The following EXOC4 variants were observed in gnomAD, a reference collection of about 807,000 sequenced individuals.
EXOC4 encodes exocyst complex component 4.
Under a neutral mutation model 107.2 loss-of-function variants are expected in EXOC4, and 71 were observed. That is an observed-to-expected ratio of 0.66 (90% CI 0.55 to 0.81). The LOEUF is 0.81. EXOC4 is among the 30% of genes least tolerant of loss of function. The pLI is 0.00. For synonymous variants in EXOC4, 456 were observed against 441.2 expected, an observed-to-expected ratio of 1.03 and a Z score of -0.42; for missense variants, 1,108 against 1,189.6, an observed-to-expected ratio of 0.93 and a Z score of 1.01.
intron 11 of EXOC4, among the ~76,000 whole-genome samples, chr7:133,882,219 G>T (rs761626210): frequency 2.6e-5 from 4 of 152,134 alleles, no homozygotes; most frequent in Non-Finnish European, 5.9e-5. Flanking sequence ...GTATCTCATT[G>T]TATGAATATG....
chr7:133,790,553 A>G lies in EXOC4; in HGVS notation c.1515-26772A>G, dbSNP rs941504042. 7.2e-5 allele frequency among the ~76,000 whole-genome samples: 11 copies of G among 152,236 alleles called. No homozygotes were observed. The East Asian group carries it at 2.1e-3, about 29-fold the overall frequency. On this transcript the variant is annotated intron_variant, in intron 10 of 17. Transcript: ENST00000253861. ...TATCACAAGTTCACATGTTAACATT[A>G]TTTCACCCAATTTGTATTTTGTGGG...
intron 10 of EXOC4, among the ~76,000 whole-genome samples, chr7:133,641,628 C>T (rs1489276381): frequency 6.6e-6 from 1 of 152,184 alleles, no homozygotes; most frequent in Admixed American, 6.5e-5. Flanking sequence ...AATGCTTTGC[C>T]AACCACCTGA....
intron 10 of EXOC4, among the ~76,000 whole-genome samples, chr7:133,731,526 C>T (rs1182026620): frequency 6.6e-6 from 1 of 151,918 alleles, no homozygotes; most frequent in Non-Finnish European, 1.5e-5. Context: ...TCTTGCAAAA[C>T]AGCAGAGAAA....
intron 1 of EXOC4, among the ~76,000 whole-genome samples, chr7:133,258,559 A>G (rs1795069828): frequency 6.6e-6 from 1 of 152,220 alleles, no homozygotes; most frequent in African/African-American, 2.4e-5. Flanking sequence ...GGTATATAAA[A>G]GTGCCTAGCA....
At chr7:133,414,748 A>G (rs1797436083) in intron 7 of EXOC4, among the ~76,000 whole-genome samples, 1 of 152,172 alleles carries the variant, frequency 6.6e-6, no homozygotes, top group African/African-American at 2.4e-5. Context: ...ATTCTGTATT[A>G]TAGATAAACC....
intron 10 of EXOC4, among the ~76,000 whole-genome samples, chr7:133,662,553 C>T (rs1793716415): frequency 6.6e-6 from 1 of 151,968 alleles, no homozygotes; most frequent in Non-Finnish European, 1.5e-5. Context: ...ATTATCCTCA[C>T]CTATCACGTA....
chr7:133,345,124 C>T (rs1795754593), intron 5 of EXOC4, among the ~76,000 whole-genome samples: 1 of 152,114 alleles, frequency 6.6e-6, no homozygotes, highest in African/African-American at 2.4e-5. Flanking sequence ...TTTAAAAGTG[C>T]ATTTTTAACT....
chr7:133,273,060 A>G (rs140332320), intron 1 of EXOC4, among the ~76,000 whole-genome samples: 124 of 152,314 alleles, frequency 8.1e-4, no homozygotes, highest in African/African-American at 2.9e-3. Context: ...CTGCTGTTAC[A>G]AGGGGAAATA....
At chr7:133,699,433 C>T (rs1243649006) in intron 10 of EXOC4, among the ~76,000 whole-genome samples, 8 of 152,120 alleles carry the variant, frequency 5.3e-5, no homozygotes, top group Non-Finnish European at 1.2e-4. Flanking sequence ...TATGATGGAT[C>T]ATAGGCGCTT....
intron 10 of EXOC4, among the ~76,000 whole-genome samples, chr7:133,668,723 A>G (rs888108326): frequency 2.6e-5 from 4 of 152,170 alleles, no homozygotes; most frequent in Admixed American, 6.5e-5. Context: ...AGGGGATGTT[A>G]AAGCTTATTT....
At chr7:133,711,131 T>C (rs1471611934) in intron 10 of EXOC4, among the ~76,000 whole-genome samples, 2 of 152,224 alleles carry the variant, frequency 1.3e-5, no homozygotes, top group Non-Finnish European at 2.9e-5. Context: ...AGGAAAATAA[T>C]AGGTTACTTT....
At chr7:133,809,635 A>T (rs1405173302) in intron 10 of EXOC4, among the ~76,000 whole-genome samples, 1 of 152,232 alleles carries the variant, frequency 6.6e-6, no homozygotes, top group Non-Finnish European at 1.5e-5. Flanking sequence ...TGGTTGTGAT[A>T]CATGGAATCA....
At chr7:133,818,681 C>T (rs937317531) in intron 11 of EXOC4, among the ~76,000 whole-genome samples, 1 of 152,134 alleles carries the variant, frequency 6.6e-6, no homozygotes, top group Admixed American at 6.5e-5. Context: ...GCTTGCTCTT[C>T]CTTCTGCTGG....
chr7:133,973,638 T>A (rs890386174), intron 14 of EXOC4, among the ~76,000 whole-genome samples: 1 of 152,152 alleles, frequency 6.6e-6, no homozygotes, highest in Non-Finnish European at 1.5e-5. Flanking sequence ...AGAGACATGA[T>A]CAGATGGTGT....
chr7:133,829,593 C>G (rs926085109), intron 11 of EXOC4, among the ~76,000 whole-genome samples: 2 of 152,212 alleles, frequency 1.3e-5, no homozygotes, highest in African/African-American at 4.8e-5. Context: ...GTTGACCACA[C>G]TACCCCAACA....
At chr7:133,942,302 A>G (rs559685754) in intron 14 of EXOC4, among the ~76,000 whole-genome samples, 12 of 151,786 alleles carry the variant, frequency 7.9e-5, no homozygotes, top group African/African-American at 1.9e-4. Context: ...CCTGTGCTTC[A>G]GTCTAAACCT....
At chr7:133,840,186 C>A (rs545247449) in intron 11 of EXOC4, among the ~76,000 whole-genome samples, 127 of 152,176 alleles carry the variant, frequency 8.3e-4, no homozygotes, top group African/African-American at 2.8e-3. Context: ...TCATATATAC[C>A]TATAATCGAA....
At chr7:133,348,020 G>A (rs945530254) in intron 5 of EXOC4, among the ~76,000 whole-genome samples, 1 of 152,150 alleles carries the variant, frequency 6.6e-6, no homozygotes, top group Non-Finnish European at 1.5e-5. Context: ...ACTAGGGAAT[G>A]ATTTGGAGTT....
At chr7:133,781,282 C>T (rs1796461119) in intron 10 of EXOC4, among the ~76,000 whole-genome samples, 2 of 152,180 alleles carry the variant, frequency 1.3e-5, no homozygotes, top group Non-Finnish European at 2.9e-5. Context: ...CCTAGGGTGG[C>T]CATGAAACTC....
Sources: gnomAD v4.1 joint callset for allele counts (sites outside exome capture counted in the v4.1 genomes callset) on GRCh38, gnomAD v4.1.1 for gene constraint, MANE v1.5 for transcripts, NCBI Gene and HGNC (gene_info 2026-07-23, HGNC 2026-07-21) for gene names.